LRRC8D: variants seen among roughly 807,000 people sequenced by gnomAD.
The protein encoded by LRRC8D is leucine rich repeat containing 8 VRAC subunit D.
Under a neutral mutation model 55.8 loss-of-function variants are expected in LRRC8D, and 20 were observed. The observed-to-expected ratio is 0.36, with a 90% confidence interval of 0.25 to 0.52. LRRC8D has a LOEUF of 0.52. Among genes scored for constraint, LRRC8D ranks in the 20% least tolerant of loss-of-function variants. The pLI is 0.93. For synonymous variants in LRRC8D, 352 were observed against 377.0 expected (o/e 0.93, Z 0.77); for missense variants, 651 against 1,030.8 (o/e 0.63, Z 5.05).
chr1:89,836,831 C>T (rs1381087908), intron 1 of LRRC8D, among the ~76,000 whole-genome samples: 4 of 152,158 alleles, frequency 2.6e-5, no homozygotes, highest in Non-Finnish European at 5.9e-5. Flanking sequence ...AATTGGCTCG[C>T]CCTCATTTGC....
chr1:89,837,370 C>T (rs1326720773), intron 1 of LRRC8D, among the ~76,000 whole-genome samples: 1 of 152,200 alleles, frequency 6.6e-6, no homozygotes, highest in African/African-American at 2.4e-5. Context: ...CTGAGCCCCT[C>T]ACCCCACTCC....
At chr1:89,916,257 C>T (rs1663266639) in intron 2 of LRRC8D, among the ~76,000 whole-genome samples, 1 of 152,246 alleles carries the variant, frequency 6.6e-6, no homozygotes, top group Non-Finnish European at 1.5e-5. Context: ...AATGTCCTAT[C>T]AGATCTGCTT....
chr1:89,860,756 C>CAAAAAA lies in LRRC8D; in HGVS notation c.-3+16999_-3+17004dup, dbSNP rs1181859656. On this transcript the variant is annotated intron_variant, in intron 2 of 2. Coordinates refer to ENST00000337338, the MANE Select transcript of LRRC8D (RefSeq NM_001134479.2). ...CTGGCAACAGAGCAAGACTCTATCTCAAAAAAAAAAAAAAAAAAAAAAAAA... is the reference window on the plus strand; with the variant it reads ...CTGGCAACAGAGCAAGACTCTATCTCAAAAAAAAAAAAAAAAAAAAAAAAAAAAAAA... Among the ~76,000 whole-genome samples, 18 of 18,844 alleles carry CAAAAAA rather than the reference C, an allele frequency of 9.6e-4. 4 individuals are homozygous for CAAAAAA. Among genetic ancestry groups the CAAAAAA allele is most frequent in the East Asian group, 5.0e-3 (1 of 200 alleles). 12.4% of individuals were successfully genotyped at this position (18,844 alleles called of 152,430 possible).
At chr1:89,895,694 C>T (rs1361950359) in intron 2 of LRRC8D, among the ~76,000 whole-genome samples, 2 of 152,264 alleles carry the variant, frequency 1.3e-5, no homozygotes, top group Non-Finnish European at 1.5e-5. Flanking sequence ...AGACGTTGAA[C>T]TTCTGTAAGC....
At position 89,831,679 on chromosome 1, in the gene LRRC8D, T is replaced by C. The variant is rs565243504; in HGVS notation, c.-148+10388T>C. On this transcript the variant is annotated intron_variant, in intron 1 of 2. Transcript: ENST00000337338. ...AGTGCTATTATTTTGCAATTCCTAG[T>C]GTATCATGTTAATGTGTACGGTGGC... 3.3e-5 allele frequency among the ~76,000 whole-genome samples: 5 copies of C among 152,226 alleles called. No individual in the cohort carries two copies. In the South Asian group the frequency reaches 6.2e-4, roughly 19 times the overall value.
At chr1:89,856,332 T>TCACA (rs781746997) in intron 2 of LRRC8D, among the ~76,000 whole-genome samples, 1 of 152,070 alleles carries the variant, frequency 6.6e-6, no homozygotes, top group African/African-American at 2.4e-5. Flanking sequence ...AATCTCTCTC[T>TCACA]CTCACACACA....
chr1:89,931,149 G>A (rs977032678), intron 2 of LRRC8D, among the ~76,000 whole-genome samples: 1 of 145,910 alleles, frequency 6.9e-6, no homozygotes, highest in Admixed American at 7.2e-5. Context: ...AGATAATTTT[G>A]CTTACAAAAC....
intron 2 of LRRC8D, among the ~76,000 whole-genome samples, chr1:89,896,964 A>G (rs1390244739): frequency 1.3e-5 from 2 of 152,134 alleles, no homozygotes; most frequent in African/African-American, 2.4e-5. Context: ...CCCTTTGGAA[A>G]GGTGTGGTGG....
intron 2 of LRRC8D, among the ~76,000 whole-genome samples, chr1:89,845,993 C>A (rs1035801528): frequency 1.3e-5 from 2 of 152,042 alleles, no homozygotes; most frequent in Non-Finnish European, 2.9e-5. Flanking sequence ...GTTGGTCAGA[C>A]TGGTCTAGAA....
At chr1:89,894,337 A>C (rs1399463296) in intron 2 of LRRC8D, among the ~76,000 whole-genome samples, 1 of 151,938 alleles carries the variant, frequency 6.6e-6, no homozygotes, top group African/African-American at 2.4e-5. Flanking sequence ...CATATTACTC[A>C]CTCTCCATCT....
chr1:89,933,928 T>C lies in LRRC8D; in HGVS notation c.860T>C (p.Leu287Pro). 2 of 1,614,134 alleles carry C rather than the reference T, an allele frequency of 1.2e-6. No individual in the cohort carries two copies. Among genetic ancestry groups the C allele is most frequent in the Non-Finnish European group, 1.7e-6 (2 of 1,179,976 alleles). ...AAGGATGGAGAGCAGGCCAAAGCCC[T>C]GTTTGAGAAAGTGAGGAAGTTCCGT... ...DKKDGEQAKA[L>P]FEKVRKFRAH... The change falls in exon 3 of 3, where the codon CTG becomes CCG. Residue 287 changes from leucine (L) to proline (P), a missense_variant. By Grantham distance (98) the Leu-to-Pro change is moderately conservative. Coordinates refer to ENST00000337338, the MANE Select transcript of LRRC8D (RefSeq NM_001134479.2). This position sits in a 1 kb window ranked among gnomAD's most constrained non-coding sequence, Gnocchi z 7.0.
Position 89,933,944 on chromosome 1 carries a change from G to A in LRRC8D, c.876G>A (p.Arg292=). Residue 292 remains arginine (R), a synonymous_variant, in exon 3 of 3, where the codon AGG becomes AGA. Coordinates refer to ENST00000337338, the MANE Select transcript of LRRC8D (RefSeq NM_001134479.2). The surrounding 1 kb of genome is among the most constrained non-coding windows in gnomAD (Gnocchi z 7.0). ...EQAKALFEKV[R]KFRAHVEDSD... Reference sequence around the variant, plus strand: ...CCAAAGCCCTGTTTGAGAAAGTGAGGAAGTTCCGTGCCCATGTGGAAGATA... The same window carrying A: ...CCAAAGCCCTGTTTGAGAAAGTGAGAAAGTTCCGTGCCCATGTGGAAGATA... 1 of 1,614,126 alleles carries A rather than the reference G, an allele frequency of 6.2e-7. No homozygotes were observed. The highest frequency in any genetic ancestry group is 1.3e-5 in the African/African-American group (1 of 75,040).
chr1:89,908,439 A>G (rs1368426250), intron 2 of LRRC8D, among the ~76,000 whole-genome samples: 1 of 152,164 alleles, frequency 6.6e-6, no homozygotes, highest in Non-Finnish European at 1.5e-5. Context: ...TTCTTCCAGT[A>G]CAGCCACTAG....
chr1:89,869,902 G>GT (rs1167386237), intron 2 of LRRC8D, among the ~76,000 whole-genome samples: 2 of 151,998 alleles, frequency 1.3e-5, no homozygotes, highest in Non-Finnish European at 2.9e-5. Context: ...AAGGTCAGGA[G>GT]TTTGAGACCA....
chr1:89,879,367 C>T (rs373136663), intron 2 of LRRC8D, among the ~76,000 whole-genome samples: 1 of 152,034 alleles, frequency 6.6e-6, no homozygotes, highest in Non-Finnish European at 1.5e-5. Context: ...TTGAGCAGAC[C>T]GACATCAGCT....
chr1:89,909,030 G>GTGTGTGTC (rs529019846), intron 2 of LRRC8D, among the ~76,000 whole-genome samples: 1 of 152,130 alleles, frequency 6.6e-6, no homozygotes, highest in Non-Finnish European at 1.5e-5. Context: ...TTGCGTGTGT[G>GTGTGTGTC]TGTGTGTCTG....
chr1:89,822,465 A>G (rs553865928), intron 1 of LRRC8D, among the ~76,000 whole-genome samples: 4 of 152,342 alleles, frequency 2.6e-5, no homozygotes, highest in Non-Finnish European at 4.4e-5. Context: ...TTGTTGGACA[A>G]AGAAAACTCT....
rs1195394243 is a variant in LRRC8D at position 89,895,130 on chromosome 1, T to C, written c.-2-37937T>C. 2.0e-5 allele frequency among the ~76,000 whole-genome samples: 3 copies of C among 152,174 alleles called. No homozygotes were observed. In the East Asian group the frequency reaches 5.8e-4, roughly 29 times the overall value. Reference sequence around the variant, plus strand: ...AGGTGTGCTAGATAATTAACATTTTTTGGAAACAAAATTATTACATTATCC... The same window carrying C: ...AGGTGTGCTAGATAATTAACATTTTCTGGAAACAAAATTATTACATTATCC... On this transcript the variant is annotated intron_variant, in intron 2 of 2. Transcript: ENST00000337338.
chr1:89,843,592 C>CGAGAAT, intron 1 of LRRC8D, 46 bp from the exon 2 acceptor site: 2 of 698,552 alleles, frequency 2.9e-6, no homozygotes, highest in African/African-American at 1.7e-5. Flanking sequence ...CCGCTGCCGA[C>CGAGAAT]ACTTGGATCT....
Sources: gnomAD v4.1 joint callset for allele counts (sites outside exome capture counted in the v4.1 genomes callset) on GRCh38, gnomAD v4.1.1 for gene constraint, Gnocchi (gnomAD v3.1) non-coding constraint, MANE v1.5 for transcripts, NCBI Gene and HGNC (gene_info 2026-07-23, HGNC 2026-07-21) for gene names.